Variants in OPCML observed in about 807,000 individuals in gnomAD.
OPCML encodes opioid-binding protein/cell adhesion molecule.
A neutral mutation model predicts 37.8 loss-of-function variants in OPCML; 13 were observed. That is an observed-to-expected ratio of 0.34 (90% CI 0.22 to 0.55). OPCML has a LOEUF of 0.55. Ranked by LOEUF, OPCML falls within the 20% of genes least tolerant of loss-of-function variation. OPCML has a pLI of 0.91. For synonymous variants in OPCML, 176 were observed against 168.8 expected (o/e 1.04, Z -0.33); for missense variants, 341 against 435.6 (o/e 0.78, Z 1.93).
chr11:132,703,555 C>A (rs1220912097), intron 2 of OPCML, among the ~76,000 whole-genome samples: 2 of 152,148 alleles, frequency 1.3e-5, no homozygotes, highest in Admixed American at 1.3e-4. Context: ...CTCAGTCTGT[C>A]CAGAGATTCT....
chr11:132,977,602 G>T (rs1946492115), intron 1 of OPCML, among the ~76,000 whole-genome samples: 1 of 152,078 alleles, frequency 6.6e-6, no homozygotes, highest in South Asian at 2.1e-4. Context: ...CCTGTCATCT[G>T]GTCCTTGAAT....
chr11:133,049,809 C>T (rs1381002952), intron 1 of OPCML, among the ~76,000 whole-genome samples: 5 of 152,186 alleles, frequency 3.3e-5, no homozygotes, highest in Admixed American at 6.5e-5. Context: ...TGAACGGCAG[C>T]CCCCAGAATC....
chr11:132,596,221 G>A (rs141944433), intron 3 of OPCML, among the ~76,000 whole-genome samples: 7 of 152,228 alleles, frequency 4.6e-5, no homozygotes, highest in Non-Finnish European at 7.4e-5. Context: ...ATAAAATTTG[G>A]CTACTGTTAT....
chr11:133,157,487 C>T (rs1289570423), intron 1 of OPCML, among the ~76,000 whole-genome samples: 1 of 152,164 alleles, frequency 6.6e-6, no homozygotes, highest in Non-Finnish European at 1.5e-5. Context: ...GCTTGACTCA[C>T]AGAGTTGACT....
Position 133,092,655 on chromosome 11 carries a change from G to A in OPCML, c.62-149645C>T, listed in dbSNP as rs182171871. ...GCAGAAGAATCACTTGAACCCGGGA[G>A]GCGGAGGTTGCAGTGAGCCGAGATC... is the stretch of plus-strand genomic sequence containing the variant. On this transcript the variant is annotated intron_variant, in intron 1 of 7. Transcript: ENST00000524381. 3.5e-4 allele frequency among the ~76,000 whole-genome samples: 54 copies of A among 152,260 alleles called. 1 individual carries two copies. The highest frequency in any genetic ancestry group is 1.3e-3 in the African/African-American group (52 of 41,544).
intron 3 of OPCML, among the ~76,000 whole-genome samples, chr11:132,609,511 C>G (rs1938509878): frequency 6.6e-6 from 1 of 152,092 alleles, no homozygotes; most frequent in South Asian, 2.1e-4. Context: ...CCACATTTAC[C>G]CACCAGCATG....
At chr11:133,059,979 C>T (rs1286235702) in intron 1 of OPCML, among the ~76,000 whole-genome samples, 1 of 152,174 alleles carries the variant, frequency 6.6e-6, no homozygotes, top group African/African-American at 2.4e-5. Flanking sequence ...GATACTCCAT[C>T]TTTTCTAGTG....
At chr11:133,356,528 G>A (rs554004589) in intron 1 of OPCML, among the ~76,000 whole-genome samples, 9 of 152,264 alleles carry the variant, frequency 5.9e-5, no homozygotes, top group African/African-American at 1.9e-4. Flanking sequence ...TGTGGACAGA[G>A]GATCCCATCA....
intron 1 of OPCML, among the ~76,000 whole-genome samples, chr11:133,149,360 T>C (rs1479342393): frequency 2.0e-5 from 3 of 152,204 alleles, no homozygotes; most frequent in African/African-American, 7.2e-5. Flanking sequence ...CACCCATATA[T>C]TTCCCCCTGC....
intron 1 of OPCML, among the ~76,000 whole-genome samples, chr11:133,000,402 C>T (rs1484438415): frequency 2.0e-5 from 3 of 152,198 alleles, no homozygotes; most frequent in Non-Finnish European, 2.9e-5. Context: ...CGTGAGCCAC[C>T]GCGCTCATCC....
chr11:132,695,881 C>T (rs924144995), intron 2 of OPCML, among the ~76,000 whole-genome samples: 16 of 152,260 alleles, frequency 1.1e-4, no homozygotes, highest in Admixed American at 7.8e-4. Flanking sequence ...AGTGCTCTAG[C>T]ACAAGTGTGA....
chr11:132,536,338 G>A (rs1421668124), intron 3 of OPCML, among the ~76,000 whole-genome samples: 2 of 152,134 alleles, frequency 1.3e-5, no homozygotes, highest in Admixed American at 1.3e-4. Context: ...GGAGTCACAG[G>A]GGCTAAGGTT....
chr11:133,463,648 T>C (rs1946909674), intron 1 of OPCML, among the ~76,000 whole-genome samples: 1 of 152,158 alleles, frequency 6.6e-6, no homozygotes, highest in Non-Finnish European at 1.5e-5. Flanking sequence ...TATGCTGTTC[T>C]AGCTCTCTCA....
chr11:132,998,704 C>T (rs879167868), intron 1 of OPCML, among the ~76,000 whole-genome samples: 2 of 152,090 alleles, frequency 1.3e-5, no homozygotes, highest in South Asian at 4.2e-4. Flanking sequence ...GTGATTAGGT[C>T]ATGAGGATGG....
intron 2 of OPCML, among the ~76,000 whole-genome samples, chr11:132,770,501 C>T (rs1429123053): frequency 6.6e-6 from 1 of 152,086 alleles, no homozygotes; most frequent in Non-Finnish European, 1.5e-5. Context: ...CCCAACTTCC[C>T]CAGGTTTACT....
chr11:133,242,361 T>C (rs1184217363), intron 1 of OPCML, among the ~76,000 whole-genome samples: 1 of 152,212 alleles, frequency 6.6e-6, no homozygotes, highest in African/African-American at 2.4e-5. Context: ...AGGGTATTTG[T>C]AGTAATCTGC....
intron 1 of OPCML, among the ~76,000 whole-genome samples, chr11:133,310,274 T>C (rs1294369688): frequency 6.6e-6 from 1 of 152,160 alleles, no homozygotes; most frequent in Non-Finnish European, 1.5e-5. Flanking sequence ...ACTGAACATA[T>C]GTTTGCATGC....
intron 1 of OPCML, among the ~76,000 whole-genome samples, chr11:133,234,432 T>C (rs1382836192): frequency 6.6e-6 from 1 of 152,186 alleles, no homozygotes; most frequent in Middle Eastern, 3.2e-3. Flanking sequence ...ACCATTCTAA[T>C]GATTCATTAC....
At chr11:133,442,417 AC>A (rs1946381913) in intron 1 of OPCML, among the ~76,000 whole-genome samples, 1 of 152,154 alleles carries the variant, frequency 6.6e-6, no homozygotes, top group South Asian at 2.1e-4. Context: ...ATACTACTTG[AC>A]CCAAGAATTC....
Sources: gnomAD v4.1 joint callset for allele counts (sites outside exome capture counted in the v4.1 genomes callset) on GRCh38, gnomAD v4.1.1 for gene constraint, MANE v1.5 for transcripts, NCBI Gene and HGNC (gene_info 2026-07-23, HGNC 2026-07-21) for gene names.